Variants in SYT1 observed in about 807,000 individuals in gnomAD.
SYT1 encodes the protein synaptotagmin-1.
SYT1 carries 8 observed loss-of-function variants against 44.8 expected under a neutral mutation model. That is an observed-to-expected ratio of 0.18 (90% CI 0.10 to 0.32). SYT1 has a LOEUF of 0.32. Among genes scored for constraint, SYT1 ranks in the 10% least tolerant of loss-of-function variants. The probability of loss-of-function intolerance (pLI) is 1.00; values close to 1 mark genes in which losing one functional copy is unlikely to be tolerated. For synonymous variants in SYT1, 154 were observed against 188.8 expected, an observed-to-expected ratio of 0.82 and a Z score of 1.51; for missense variants, 286 against 509.3, an observed-to-expected ratio of 0.56 and a Z score of 4.22.
In SYT1 at chr12:79,085,220, A is replaced by G. The variant is rs547855956; in HGVS notation, c.-18+37858A>G. ...ATCATTTTCTTGCAGTTACTCACAC[A>G]TAAGTATTAGCAGTAAGAAATATGA... On this transcript the variant is annotated intron_variant, in intron 3 of 10. Transcript: ENST00000261205. Among the ~76,000 whole-genome samples the G allele has an allele frequency of 3.9e-5, 6 of 152,286 alleles. No homozygotes were observed. In the South Asian group the frequency reaches 1.0e-3, roughly 26 times the overall value.
intron 9 of SYT1, 34 bp downstream of exon 9, chr12:79,353,653 T>G: frequency 1.3e-6 from 2 of 1,531,542 alleles, no homozygotes; most frequent in Non-Finnish European, 1.8e-6. Flanking sequence ...TTTTTTCAAA[T>G]GCTGTTTCGT....
chr12:79,316,578 G>A (rs1881095702), intron 8 of SYT1, among the ~76,000 whole-genome samples: 1 of 152,150 alleles, frequency 6.6e-6, no homozygotes, highest in Non-Finnish European at 1.5e-5. Context: ...GGAATGTGTT[G>A]TGATACCTAC....
intron 8 of SYT1, among the ~76,000 whole-genome samples, chr12:79,350,776 C>T (rs902757634): frequency 2.0e-5 from 3 of 152,198 alleles, no homozygotes; most frequent in African/African-American, 7.2e-5. Flanking sequence ...ACTTAAACCT[C>T]CAAAAATTTC....
At chr12:79,192,750 C>T (rs1873206692) in intron 3 of SYT1, among the ~76,000 whole-genome samples, 1 of 152,116 alleles carries the variant, frequency 6.6e-6, no homozygotes, top group African/African-American at 2.4e-5. Context: ...ACAGTGTCTG[C>T]TCCCAACATT....
chr12:79,071,785 T>C (rs1418208401), intron 3 of SYT1, among the ~76,000 whole-genome samples: 1 of 152,140 alleles, frequency 6.6e-6, no homozygotes, highest in Non-Finnish European at 1.5e-5. Flanking sequence ...TCTGTTCATT[T>C]AAGAACACCA....
chr12:79,207,981 C>T (rs929466482), intron 3 of SYT1, among the ~76,000 whole-genome samples: 2 of 152,192 alleles, frequency 1.3e-5, no homozygotes, highest in East Asian at 3.9e-4. Context: ...TACCTAGCTA[C>T]TTAAACAGTT....
intron 3 of SYT1, among the ~76,000 whole-genome samples, chr12:79,174,567 G>C (rs2138366473): frequency 6.6e-6 from 1 of 152,072 alleles, no homozygotes; most frequent in Non-Finnish European, 1.5e-5. Flanking sequence ...AAGGAAATGG[G>C]CCAGAGTATA....
intron 9 of SYT1, among the ~76,000 whole-genome samples, chr12:79,427,935 C>T (rs1447444794): frequency 6.6e-6 from 1 of 152,160 alleles, no homozygotes; most frequent in Non-Finnish European, 1.5e-5. Context: ...AGGAGTTATA[C>T]AATGTTTTAA....
intron 8 of SYT1, 30 bp from the exon 9 acceptor site, chr12:79,353,471 AT>A: frequency 6.8e-7 from 1 of 1,471,366 alleles, no homozygotes; most frequent in Non-Finnish European, 9.5e-7. Context: ...TATTTGAAAA[AT>A]TGCTAATACT....
chr12:78,870,628 G>A (rs981376869), intron 1 of SYT1, among the ~76,000 whole-genome samples: 8 of 152,132 alleles, frequency 5.3e-5, no homozygotes, highest in Non-Finnish European at 8.8e-5. Flanking sequence ...CTCCCTGACA[G>A]CAGCCATCAT....
intron 3 of SYT1, among the ~76,000 whole-genome samples, chr12:79,084,360 A>T (rs1377931963): frequency 1.3e-5 from 2 of 152,196 alleles, no homozygotes; most frequent in Non-Finnish European, 2.9e-5. Context: ...GTACTTTAAT[A>T]GTGAGAATTA....
chr12:78,976,583 A>T (rs759337314), intron 1 of SYT1: 1 of 152,222 alleles, frequency 6.6e-6, no homozygotes, highest in Non-Finnish European at 1.5e-5. Flanking sequence ...GGTATTATGT[A>T]TTCATTTACC....
chr12:78,923,310 C>A (rs1464199890), intron 1 of SYT1, among the ~76,000 whole-genome samples: 1 of 151,870 alleles, frequency 6.6e-6, no homozygotes, highest in Non-Finnish European at 1.5e-5. Context: ...TTGGGCAATG[C>A]AGTTTAAGTT....
chr12:78,959,568 C>T (rs1051140355), intron 1 of SYT1, among the ~76,000 whole-genome samples: 9 of 152,042 alleles, frequency 5.9e-5, no homozygotes, highest in Non-Finnish European at 1.2e-4. Flanking sequence ...GGGAACTTCG[C>T]CATAGATATC....
intron 9 of SYT1, among the ~76,000 whole-genome samples, chr12:79,384,285 G>A (rs1008001488): frequency 1.3e-5 from 2 of 152,032 alleles, no homozygotes; most frequent in African/African-American, 4.8e-5. Flanking sequence ...AAGCTTTTGT[G>A]TAAAAGGCTT....
At chr12:79,277,297 C>T (rs1878790628) in intron 4 of SYT1, among the ~76,000 whole-genome samples, 1 of 151,958 alleles carries the variant, frequency 6.6e-6, no homozygotes, top group Admixed American at 6.5e-5. Flanking sequence ...TAAAGGAAAA[C>T]CTATTAGACT....
chr12:79,144,443 G>A (rs1331574737), intron 3 of SYT1, among the ~76,000 whole-genome samples: 1 of 152,180 alleles, frequency 6.6e-6, no homozygotes, highest in Admixed American at 6.5e-5. Flanking sequence ...AGTTTCCTCA[G>A]CCCACATTGG....
intron 4 of SYT1, among the ~76,000 whole-genome samples, chr12:79,232,482 T>C (rs1317715485): frequency 1.3e-5 from 2 of 152,180 alleles, no homozygotes; most frequent in Non-Finnish European, 2.9e-5. Context: ...TCCAGGTCTT[T>C]ATACAAATTG....
intron 2 of SYT1, among the ~76,000 whole-genome samples, chr12:79,023,345 C>T (rs1872316855): frequency 6.6e-6 from 1 of 151,798 alleles, no homozygotes; most frequent in Non-Finnish European, 1.5e-5. Context: ...CCCACAAAAC[C>T]TGAGGGGTGG....
Sources: allele counts gnomAD v4.1 joint callset (sites outside exome capture counted in the v4.1 genomes callset), GRCh38; gene constraint gnomAD v4.1.1; transcripts MANE v1.5; gene names NCBI Gene and HGNC (gene_info 2026-07-23, HGNC 2026-07-21).